The following CNOT8 variants were observed in gnomAD, a reference collection of about 807,000 sequenced individuals.
CNOT8 encodes CCR4-NOT transcription complex subunit 8, also known as CAF1-like protein.
CNOT8 carries 18 observed loss-of-function variants against 34.6 expected under a neutral mutation model. That is an observed-to-expected ratio of 0.52 (90% CI 0.36 to 0.77). The LOEUF (loss-of-function observed/expected upper bound fraction) is 0.77, where lower values mean the gene tolerates loss of function less well. CNOT8 is among the 30% of genes least tolerant of loss of function. CNOT8 has a pLI of 0.00. For missense variants in CNOT8, 189 were observed against 347.9 expected, an observed-to-expected ratio of 0.54 and a Z score of 3.63; for synonymous variants, 101 against 118.8, an observed-to-expected ratio of 0.85 and a Z score of 0.98.
At chr5:154,869,627 T>A (rs80185243) in intron 3 of CNOT8, among the ~76,000 whole-genome samples, 1 of 26,160 alleles carries the variant, frequency 3.8e-5, no homozygotes, top group Non-Finnish European at 1.1e-4. Context: ...TTTTTTTGTG[T>A]TTTTTTTTTT....
chr5:154,871,911 A>G (rs752497305), intron 5 of CNOT8, 37 bp downstream of exon 5: 22 of 1,578,638 alleles, frequency 1.4e-5, no homozygotes, highest in Middle Eastern at 2.0e-4. Context: ...TAACAAAAAG[A>G]AGGACAGAAA....
intron 2 of CNOT8, among the ~76,000 whole-genome samples, chr5:154,863,664 T>C (rs1761575451): frequency 6.6e-6 from 1 of 152,216 alleles, no homozygotes. Context: ...ATGGGTATGT[T>C]CCACTAAAGC....
intron 3 of CNOT8, among the ~76,000 whole-genome samples, chr5:154,869,410 C>T (rs532286697): frequency 6.6e-6 from 1 of 150,932 alleles, no homozygotes; most frequent in South Asian, 2.1e-4. Context: ...TGAGCCACCC[C>T]ACCCGGCCTT....
chr5:154,861,192 T>C (rs1292359101), intron 1 of CNOT8, among the ~76,000 whole-genome samples: 1 of 152,204 alleles, frequency 6.6e-6, no homozygotes, highest in Non-Finnish European at 1.5e-5. Flanking sequence ...TATGGTCAGA[T>C]AGTGTAATTT....
intron 1 of CNOT8, among the ~76,000 whole-genome samples, chr5:154,861,115 T>C (rs1473366302): frequency 6.6e-6 from 1 of 152,210 alleles, no homozygotes; most frequent in Non-Finnish European, 1.5e-5. Context: ...TTTTAAGGCC[T>C]TTTGCAGGGG....
chr5:154,874,263 C>A (rs768263318), intron 6 of CNOT8, among the ~76,000 whole-genome samples: 1 of 151,870 alleles, frequency 6.6e-6, no homozygotes, highest in Non-Finnish European at 1.5e-5. Context: ...GAGAAAGGAG[C>A]ATGAAAAGAC....
At chr5:154,863,516 A>C in intron 2 of CNOT8, 121 bp downstream of exon 2, 1 of 743,790 alleles carries the variant, frequency 1.3e-6, no homozygotes, top group South Asian at 1.5e-5. Context: ...TGCAGCCTTG[A>C]ACTCCTGGGC....
intron 3 of CNOT8, chr5:154,867,623 A>C (rs931001045): frequency 4.1e-6 from 1 of 242,246 alleles, no homozygotes; most frequent in Non-Finnish European, 8.5e-6. Context: ...CCTGACCTTC[A>C]TGGAAGCATT....
At chr5:154,867,176 G>A (rs1265969502) in intron 3 of CNOT8, among the ~76,000 whole-genome samples, 1 of 152,074 alleles carries the variant, frequency 6.6e-6, no homozygotes, top group East Asian at 1.9e-4. Flanking sequence ...TAATTCCTGT[G>A]GTTGAATTAA....
chr5:154,868,085 C>G (rs1306364027), intron 3 of CNOT8, among the ~76,000 whole-genome samples: 1 of 151,304 alleles, frequency 6.6e-6, no homozygotes, highest in Admixed American at 6.6e-5. Context: ...TACAGGCGCC[C>G]ACCACCATGC....
chr5:154,872,508 G>C, intron 5 of CNOT8, 33 bp from the exon 6 acceptor site: 1 of 1,453,152 alleles, frequency 6.9e-7, no homozygotes, highest in African/African-American at 1.4e-5. Flanking sequence ...TGTTGGGTTT[G>C]TAATATTATC....
intron 3 of CNOT8, among the ~76,000 whole-genome samples, chr5:154,869,624 G>T (rs373294614): frequency 0.088 from 10,875 of 123,778 alleles, 462 homozygotes; most frequent in Admixed American, 0.16. Flanking sequence ...TTGTTTTTTT[G>T]TGTTTTTTTT....
intron 5 of CNOT8, 88 bp downstream of exon 5, chr5:154,871,962 T>C: frequency 8.8e-7 from 1 of 1,131,334 alleles, no homozygotes; most frequent in Non-Finnish European, 1.3e-6. Context: ...TCAGCATGCA[T>C]TTTTGAGTAC....
chr5:154,867,567 A>T (rs1447025923), intron 3 of CNOT8: 24 of 164,602 alleles, frequency 1.5e-4, no homozygotes, highest in Non-Finnish European at 1.9e-4. Context: ...CTGTTGCTTC[A>T]CGTGGGTTAC....
chr5:154,875,118 T>C (rs961392731), intron 6 of CNOT8, among the ~76,000 whole-genome samples, 172 bp from the exon 7 acceptor site: 4 of 152,132 alleles, frequency 2.6e-5, no homozygotes, highest in African/African-American at 9.7e-5. Context: ...GGTTTTGCCA[T>C]GTTGGCCAGG....
chr5:154,858,757 C>T lies in CNOT8; in HGVS notation c.-84C>T, dbSNP rs925399444. On this transcript the variant is annotated 5_prime_UTR_variant, in exon 1 of 7. Transcript: ENST00000285896. ...CCCGCCAGCCAGCGCTTCGCGGGCC[C>T]TGTCGGTCCCGGTAAGCGGGCCTGC... 4 of 151,978 alleles carry T rather than the reference C, an allele frequency of 2.6e-5. No homozygotes were observed. Among genetic ancestry groups the T allele is most frequent in the Non-Finnish European group, 4.4e-5 (3 of 68,068 alleles). 9.4% of individuals were successfully genotyped at this position (151,978 alleles called of 1,614,324 possible). A position where few individuals can be genotyped will look rare whatever the true frequency, so the allele number is the denominator to read the frequency against.
At chr5:154,868,151 C>G (rs1373674491) in intron 3 of CNOT8, among the ~76,000 whole-genome samples, 1 of 151,980 alleles carries the variant, frequency 6.6e-6, no homozygotes, top group African/African-American at 2.4e-5. Flanking sequence ...GTTGGCCAGG[C>G]TGGTCTCGAA....
chr5:154,861,234 C>G (rs544992597), intron 1 of CNOT8, among the ~76,000 whole-genome samples: 9 of 152,164 alleles, frequency 5.9e-5, no homozygotes, highest in Non-Finnish European at 1.2e-4. Context: ...TCTCTCTTTT[C>G]CTGATCTTTA....
At chr5:154,860,340 T>C (rs1400159625) in intron 1 of CNOT8, among the ~76,000 whole-genome samples, 1 of 152,140 alleles carries the variant, frequency 6.6e-6, no homozygotes, top group Non-Finnish European at 1.5e-5. Flanking sequence ...TCTTGCTCAG[T>C]CGCTGAGGCT....
Sources: allele counts gnomAD v4.1 joint callset (sites outside exome capture counted in the v4.1 genomes callset), GRCh38; gene constraint gnomAD v4.1.1; transcripts MANE v1.5; gene names NCBI Gene and HGNC (gene_info 2026-07-23, HGNC 2026-07-21).